KIRREL3: variants seen among roughly 807,000 people sequenced by gnomAD.
KIRREL3 encodes kin of IRRE-like protein 3.
KIRREL3 carries 36 observed loss-of-function variants against 89.7 expected under a neutral mutation model. The observed-to-expected ratio is 0.40, with a 90% CI of 0.31 to 0.53. The LOEUF is 0.53. Ranked by LOEUF, KIRREL3 falls within the 20% of genes least tolerant of loss-of-function variation. The pLI is 0.49. For missense variants in KIRREL3, 864 were observed against 1,056.6 expected, an observed-to-expected ratio of 0.82 and a Z score of 2.53; for synonymous variants, 445 against 441.4, an observed-to-expected ratio of 1.01 and a Z score of -0.10.
At chr11:126,675,345 A>G (rs1252100035) in intron 1 of KIRREL3, among the ~76,000 whole-genome samples, 2 of 152,224 alleles carry the variant, frequency 1.3e-5, no homozygotes, top group African/African-American at 4.8e-5. Context: ...CTCTGTGATT[A>G]TGCACCAGGC....
intron 1 of KIRREL3, among the ~76,000 whole-genome samples, chr11:126,596,071 C>T (rs755330060): frequency 2.0e-5 from 3 of 152,196 alleles, no homozygotes; most frequent in Non-Finnish European, 4.4e-5. Flanking sequence ...ATAAATCTGT[C>T]TGTTCTAGGC....
intron 4 of KIRREL3, among the ~76,000 whole-genome samples, chr11:126,473,789 GC>G (rs1446510364): frequency 6.6e-6 from 1 of 151,846 alleles, no homozygotes; most frequent in Non-Finnish European, 1.5e-5. Flanking sequence ...GTCTGTGGCT[GC>G]TTTTTAACTT....
intron 1 of KIRREL3, among the ~76,000 whole-genome samples, chr11:126,784,059 A>G (rs905924232): frequency 5.3e-5 from 8 of 152,186 alleles, no homozygotes; most frequent in African/African-American, 1.7e-4. Context: ...GTACTCCCCA[A>G]AATTGTGAAG....
rs1226192785 is a variant in KIRREL3 at position 126,766,452 on chromosome 11, A to G, written c.56-203540T>C. Among the ~76,000 whole-genome samples, 2 of 152,090 alleles carry G rather than the reference A, an allele frequency of 1.3e-5. No individual in the cohort carries two copies. Among genetic ancestry groups the G allele is most frequent in the African/African-American group, 4.8e-5 (2 of 41,416 alleles). ...CTCTTTTCTCCTCCCTAGGTATGGC[A>G]TTGTCCCTTTTCTTTCTCTTTTATT... On this transcript the variant is annotated intron_variant, in intron 1 of 16. Coordinates refer to ENST00000525144, the MANE Select transcript of KIRREL3 (RefSeq NM_032531.4). The surrounding 1 kb of genome is among the most constrained non-coding windows in gnomAD (Gnocchi z 4.2).
chr11:126,631,131 T>A lies in KIRREL3; in HGVS notation c.56-68219A>T, dbSNP rs561352987. On this transcript the variant is annotated intron_variant, in intron 1 of 16. Transcript: ENST00000525144. ...AATCAGTCTGTATGTATGTATTCAT[T>A]CATTCATTCATTCATTCATTCATTC... Among the ~76,000 whole-genome samples the A allele has an allele frequency of 1.9e-3, 266 of 137,752 alleles. 1 individual carries two copies. The highest frequency in any genetic ancestry group is 3.2e-3 in the Non-Finnish European group (204 of 63,422). The allele number at this position is 137,752 out of a possible 152,430, so 90.4% of individuals were successfully genotyped here.
At chr11:126,886,881 CA>C (rs1945716921) in intron 1 of KIRREL3, among the ~76,000 whole-genome samples, 1 of 152,224 alleles carries the variant, frequency 6.6e-6, no homozygotes, top group Admixed American at 6.5e-5. Flanking sequence ...CCACTCTTGA[CA>C]GGAAAATTCA....
intron 1 of KIRREL3, among the ~76,000 whole-genome samples, chr11:126,602,481 T>C (rs1465434215): frequency 6.6e-6 from 1 of 152,114 alleles, no homozygotes; most frequent in African/African-American, 2.4e-5. Flanking sequence ...CTCACAACCA[T>C]CCTGTGCTGT....
chr11:126,536,852 C>G (rs1937934967), intron 2 of KIRREL3, among the ~76,000 whole-genome samples: 1 of 152,094 alleles, frequency 6.6e-6, no homozygotes, highest in Admixed American at 6.5e-5. Flanking sequence ...ACCAAGTTGA[C>G]CAGGCCAGTC....
chr11:126,607,848 A>G lies in KIRREL3; in HGVS notation c.56-44936T>C, dbSNP rs1942951359. Among the ~76,000 whole-genome samples, 2 of 152,198 alleles carry G rather than the reference A, an allele frequency of 1.3e-5. No homozygotes were observed. The highest frequency in any genetic ancestry group is 1.9e-4 in the East Asian group (1 of 5,188). ...GTTGCTGAGCACTTGCAATCAAGAC[A>G]GAGTTGCCACCCACTGCAAGGACGA... On this transcript the variant is annotated intron_variant, in intron 1 of 16. Coordinates refer to ENST00000525144, the MANE Select transcript of KIRREL3 (RefSeq NM_032531.4). This position sits in a 1 kb window ranked among gnomAD's most constrained non-coding sequence, Gnocchi z 6.6.
In KIRREL3 at chr11:126,705,051, G is replaced by T. The variant is rs1947472398; in HGVS notation, c.56-142139C>A. ...ATTTATATCTTACCCACTGAATATA[G>T]CTTTTTATGGCTCAAGACATAGGTT... On this transcript the variant is annotated intron_variant, in intron 1 of 16. Coordinates refer to ENST00000525144, the MANE Select transcript of KIRREL3 (RefSeq NM_032531.4). The surrounding 1 kb of genome is among the most constrained non-coding windows in gnomAD (Gnocchi z 4.3). 6.6e-6 allele frequency among the ~76,000 whole-genome samples: 1 copy of T among 152,142 alleles called. No homozygotes were observed. Among genetic ancestry groups the T allele is most frequent in the African/African-American group, 2.4e-5 (1 of 41,428 alleles).
At chr11:126,465,675 C>T (rs1023514791) in intron 5 of KIRREL3, among the ~76,000 whole-genome samples, 1 of 152,180 alleles carries the variant, frequency 6.6e-6, no homozygotes, top group African/African-American at 2.4e-5. Flanking sequence ...GCCTGGGACT[C>T]AGGGTGCCAG....
rs663337 is a variant in KIRREL3 at position 126,535,814 on chromosome 11, G to T, written c.134-9127C>A. On this transcript the variant is annotated intron_variant, in intron 2 of 16. Coordinates refer to ENST00000525144, the MANE Select transcript of KIRREL3 (RefSeq NM_032531.4). The surrounding 1 kb of genome is among the most constrained non-coding windows in gnomAD (Gnocchi z 4.5). ...AGCCTGACCAACATGGTGAAACCCC[G>T]TCTCTACTAAAAATACAAAAATTAG... Among the ~76,000 whole-genome samples, 55,761 of 151,942 alleles carry T rather than the reference G, an allele frequency of 0.37. 11,624 individuals carry two copies. Among genetic ancestry groups the T allele is most frequent in the East Asian group, 0.86 (4,415 of 5,162 alleles).
chr11:126,456,773 G>A (rs1485304459), intron 6 of KIRREL3, among the ~76,000 whole-genome samples: 2 of 152,174 alleles, frequency 1.3e-5, no homozygotes, highest in East Asian at 1.9e-4. Flanking sequence ...AAGGAGAGGT[G>A]GGAAGAGGGG....
At chr11:126,646,656 G>A (rs12786710) in intron 1 of KIRREL3, among the ~76,000 whole-genome samples, 6,201 of 151,988 alleles carry the variant, frequency 0.041, 159 homozygotes, top group Middle Eastern at 0.11. Context: ...TGTATTTTTA[G>A]TAGAGACGGG....
rs769262264 is a variant in KIRREL3 at position 126,754,695 on chromosome 11, C to A, written c.56-191783G>T. On this transcript the variant is annotated intron_variant, in intron 1 of 16. Coordinates refer to ENST00000525144, the MANE Select transcript of KIRREL3 (RefSeq NM_032531.4). The surrounding 1 kb of genome is among the most constrained non-coding windows in gnomAD (Gnocchi z 5.1). Reference sequence around the variant, plus strand: ...TTCTTTCTGAGTTGTCTTCTCTCTTCTCCTTCTTAATAATCTCCCGTCTAA... The same window carrying A: ...TTCTTTCTGAGTTGTCTTCTCTCTTATCCTTCTTAATAATCTCCCGTCTAA... 6.6e-6 allele frequency among the ~76,000 whole-genome samples: 1 copy of A among 152,156 alleles called. No individual in the cohort carries two copies. The highest frequency in any genetic ancestry group is 2.4e-5 in the African/African-American group (1 of 41,424).
At chr11:126,743,735 C>T (rs1395349113) in intron 1 of KIRREL3, among the ~76,000 whole-genome samples, 3 of 152,176 alleles carry the variant, frequency 2.0e-5, no homozygotes, top group Non-Finnish European at 4.4e-5. Context: ...ACGGTGCCTA[C>T]TTCATAGGAT....
Position 126,684,097 on chromosome 11 carries a change from G to T in KIRREL3, c.56-121185C>A, listed in dbSNP as rs898765032. Among the ~76,000 whole-genome samples the T allele has an allele frequency of 6.6e-6, 1 of 152,216 alleles. No individual in the cohort carries two copies. Among genetic ancestry groups the T allele is most frequent in the Admixed American group, 6.5e-5 (1 of 15,290 alleles). On this transcript the variant is annotated intron_variant, in intron 1 of 16. Coordinates refer to ENST00000525144, the MANE Select transcript of KIRREL3 (RefSeq NM_032531.4). This position sits in a 1 kb window ranked among gnomAD's most constrained non-coding sequence, Gnocchi z 4.2. ...ACCCTGCCACCTGCTCAGTGGGATGGCATCTTGGGGGAGCACCTTGGGCAG... is the reference window on the plus strand; with the variant it reads ...ACCCTGCCACCTGCTCAGTGGGATGTCATCTTGGGGGAGCACCTTGGGCAG...
chr11:126,827,772 G>A (rs1447658327), intron 1 of KIRREL3, among the ~76,000 whole-genome samples: 1 of 152,142 alleles, frequency 6.6e-6, no homozygotes, highest in Non-Finnish European at 1.5e-5. Context: ...GGGGTTCCAG[G>A]TATGGGAAGG....
In KIRREL3 at chr11:126,905,479, A is replaced by C. The variant is rs2134868046; in HGVS notation, c.55+94976T>G. Among the ~76,000 whole-genome samples the C allele has an allele frequency of 6.6e-6, 1 of 152,224 alleles. No individual in the cohort carries two copies. The highest frequency in any genetic ancestry group is 1.9e-4 in the East Asian group (1 of 5,182). ...CTTCCATAATGTCTTTCTCATTAAG[A>C]GTCTAAGCCCATAAGGCAATTTGTG... On this transcript the variant is annotated intron_variant, in intron 1 of 16. Coordinates refer to ENST00000525144, the MANE Select transcript of KIRREL3 (RefSeq NM_032531.4). This position sits in a 1 kb window ranked among gnomAD's most constrained non-coding sequence, Gnocchi z 5.0.
Sources: gnomAD v4.1 joint callset for allele counts (sites outside exome capture counted in the v4.1 genomes callset) on GRCh38, gnomAD v4.1.1 for gene constraint, Gnocchi (gnomAD v3.1) non-coding constraint, MANE v1.5 for transcripts, NCBI Gene and HGNC (gene_info 2026-07-23, HGNC 2026-07-21) for gene names.